NRG3: variants seen among roughly 807,000 people sequenced by gnomAD.
NRG3 encodes the protein pro-neuregulin-3, membrane-bound isoform.
NRG3 carries 31 observed loss-of-function variants against 66.9 expected under a neutral mutation model. The ratio of observed to expected loss-of-function variants is 0.46; its 90% confidence interval spans 0.35 to 0.63. The LOEUF is 0.63. Among genes scored for constraint, NRG3 ranks in the 20% least tolerant of loss-of-function variants. The pLI is 0.00. For synonymous variants in NRG3, 393 were observed against 359.4 expected, an observed-to-expected ratio of 1.09 and a Z score of -1.06; for missense variants, 910 against 878.9, an observed-to-expected ratio of 1.04 and a Z score of -0.45.
chr10:82,622,485 A>C (rs558070877), intron 2 of NRG3, among the ~76,000 whole-genome samples: 1 of 152,352 alleles, frequency 6.6e-6, no homozygotes, highest in South Asian at 2.1e-4. Flanking sequence ...ACCTAAAAAC[A>C]GAAATTATAC....
At chr10:82,824,492 T>G (rs1056981941) in intron 3 of NRG3, among the ~76,000 whole-genome samples, 8 of 152,202 alleles carry the variant, frequency 5.3e-5, no homozygotes, top group African/African-American at 1.9e-4. Flanking sequence ...ACCAGCAATG[T>G]ATGCGGGGCT....
intron 1 of NRG3, among the ~76,000 whole-genome samples, chr10:82,264,874 G>A (rs2134242317): frequency 6.6e-6 from 1 of 152,246 alleles, no homozygotes; most frequent in African/African-American, 2.4e-5. Flanking sequence ...AAGCCTGCCT[G>A]GAATGGGTAC....
chr10:82,578,368 A>G (rs1230009196), intron 2 of NRG3, among the ~76,000 whole-genome samples: 1 of 149,674 alleles, frequency 6.7e-6, no homozygotes, highest in East Asian at 2.1e-4. Flanking sequence ...TAAAACCCCG[A>G]TAGTAAACAG....
chr10:82,250,961 A>G (rs2077457837), intron 1 of NRG3, among the ~76,000 whole-genome samples: 1 of 152,228 alleles, frequency 6.6e-6, no homozygotes, highest in African/African-American at 2.4e-5. Flanking sequence ...TTGACTGACA[A>G]CGTTCTGGCT....
At chr10:82,199,833 T>G (rs1589289471) in intron 1 of NRG3, among the ~76,000 whole-genome samples, 1 of 151,924 alleles carries the variant, frequency 6.6e-6, no homozygotes, top group African/African-American at 2.4e-5. Flanking sequence ...TTCATACAGT[T>G]TAACGTCTGA....
intron 1 of NRG3, among the ~76,000 whole-genome samples, chr10:82,259,592 C>A (rs2134186913): frequency 6.6e-6 from 1 of 152,204 alleles, no homozygotes; most frequent in Admixed American, 6.6e-5. Flanking sequence ...AAAATGGCAG[C>A]AGAACAACTA....
intron 2 of NRG3, among the ~76,000 whole-genome samples, chr10:82,692,970 A>G (rs1421494050): frequency 1.3e-5 from 2 of 152,166 alleles, no homozygotes; most frequent in African/African-American, 4.8e-5. Flanking sequence ...GAAGGGAAGC[A>G]GCATCTTATA....
intron 6 of NRG3, among the ~76,000 whole-genome samples, chr10:82,966,299 C>T (rs1183114797): frequency 1.3e-5 from 2 of 152,068 alleles, no homozygotes; most frequent in African/African-American, 4.8e-5. Context: ...TTACCTGTGA[C>T]AGTTTGTTGA....
At chr10:82,415,564 C>G (rs1177881979) in intron 2 of NRG3, among the ~76,000 whole-genome samples, 2 of 152,116 alleles carry the variant, frequency 1.3e-5, no homozygotes, top group Non-Finnish European at 2.9e-5. Flanking sequence ...TTTTGATGTA[C>G]AGAGTTTAAT....
intron 1 of NRG3, among the ~76,000 whole-genome samples, chr10:82,255,642 G>A (rs939088941): frequency 4.0e-5 from 6 of 151,820 alleles, no homozygotes; most frequent in African/African-American, 1.2e-4. Flanking sequence ...TTGCTCTGTC[G>A]TCCAGGCTGG....
chr10:82,945,897 G>A (rs1318479741), intron 4 of NRG3, among the ~76,000 whole-genome samples: 1 of 152,252 alleles, frequency 6.6e-6, no homozygotes, highest in African/African-American at 2.4e-5. Context: ...GTCAACTCAC[G>A]AAAGGAGGAT....
chr10:82,099,874 C>T (rs1210021435), intron 1 of NRG3, among the ~76,000 whole-genome samples: 1 of 151,338 alleles, frequency 6.6e-6, no homozygotes, highest in East Asian at 1.9e-4. Flanking sequence ...CTCCTAGATG[C>T]TTGGAAGTTT....
intron 1 of NRG3, among the ~76,000 whole-genome samples, chr10:82,285,546 G>A (rs891543863): frequency 6.6e-6 from 1 of 152,214 alleles, no homozygotes; most frequent in Non-Finnish European, 1.5e-5. Context: ...GCATTATCCC[G>A]AGATGGAAGG....
chr10:82,040,972 A>G (rs1365060977), intron 1 of NRG3, among the ~76,000 whole-genome samples: 1 of 152,114 alleles, frequency 6.6e-6, no homozygotes. Context: ...CAGTGTTATG[A>G]TGTATCATTT....
At chr10:81,993,880 G>C (rs1207904227) in intron 1 of NRG3, among the ~76,000 whole-genome samples, 8 of 152,144 alleles carry the variant, frequency 5.3e-5, no homozygotes, top group Non-Finnish European at 1.2e-4. Flanking sequence ...TTGTACATTT[G>C]TGCATATAGC....
chr10:82,183,266 A>G (rs898222494), intron 1 of NRG3, among the ~76,000 whole-genome samples: 1 of 151,826 alleles, frequency 6.6e-6, no homozygotes, highest in African/African-American at 2.4e-5. Flanking sequence ...TGGGACTCCC[A>G]TAATTCATGT....
At chr10:82,174,240 T>C (rs1028275866) in intron 1 of NRG3, among the ~76,000 whole-genome samples, 2 of 152,178 alleles carry the variant, frequency 1.3e-5, no homozygotes, top group African/African-American at 4.8e-5. Flanking sequence ...AAATTGTTCT[T>C]TTCAACCTTG....
rs140572919 is a variant in NRG3, at chr10:82,640,207, T to C, written c.954-98370T>C. ...TTGTTCCATTATAAAGATACATGCA[T>C]GTGTATATTCATTGCAGCACTATTC... On this transcript the variant is annotated intron_variant, in intron 2 of 8. Transcript: ENST00000372141. Among the ~76,000 whole-genome samples, 46 of 152,370 alleles carry C rather than the reference T, an allele frequency of 3.0e-4. No individual in the cohort carries two copies. In the East Asian group the frequency reaches 7.9e-3, roughly 26 times the overall value.
chr10:81,986,244 AT>A (rs1342241561), intron 1 of NRG3, among the ~76,000 whole-genome samples: 1 of 152,190 alleles, frequency 6.6e-6, no homozygotes. Flanking sequence ...ACATTACCAA[AT>A]TTGTAACTGT....
Sources: allele counts gnomAD v4.1 joint callset (sites outside exome capture counted in the v4.1 genomes callset), GRCh38; gene constraint gnomAD v4.1.1; transcripts MANE v1.5; gene names NCBI Gene and HGNC (gene_info 2026-07-23, HGNC 2026-07-21).